Variants in TBCE observed in about 807,000 individuals in gnomAD.
TBCE encodes the protein tubulin folding cofactor E.
In TBCE, 53 loss-of-function variants were observed where a neutral mutation model predicts 77.0. The ratio of observed to expected loss-of-function variants is 0.69; its 90% confidence interval spans 0.55 to 0.87. The LOEUF is 0.87. TBCE is among the 40% of genes least tolerant of loss of function. The pLI is 0.00. For missense variants in TBCE, 624 were observed against 622.4 expected, an observed-to-expected ratio of 1.00 and a Z score of -0.03; for synonymous variants, 235 against 241.3, an observed-to-expected ratio of 0.97 and a Z score of 0.24.
intron 2 of TBCE, among the ~76,000 whole-genome samples, chr1:235,400,878 G>C (rs1486146373): frequency 6.6e-6 from 1 of 151,478 alleles, no homozygotes; most frequent in Admixed American, 6.6e-5. Context: ...ATTTTTAGTA[G>C]AGATGGGGTT....
At chr1:235,445,776 A>G (rs1221787282) in intron 15 of TBCE, among the ~76,000 whole-genome samples, 1 of 152,224 alleles carries the variant, frequency 6.6e-6, no homozygotes, top group Non-Finnish European at 1.5e-5. Flanking sequence ...AAAAGTTAAA[A>G]ATACACATAT....
At chr1:235,411,030 A>C (rs1679754793) in intron 3 of TBCE, among the ~76,000 whole-genome samples, 1 of 152,226 alleles carries the variant, frequency 6.6e-6, no homozygotes, top group Non-Finnish European at 1.5e-5. Flanking sequence ...AAAAAATAAA[A>C]TTATCCCAAG....
intron 8 of TBCE, among the ~76,000 whole-genome samples, chr1:235,434,571 C>G (rs796374962): frequency 1.9e-4 from 27 of 142,100 alleles, no homozygotes; most frequent in African/African-American, 7.0e-4. Context: ...CAGAGTCTCA[C>G]TCTGTCGCCC....
chr1:235,409,513 G>A (rs1006622760), intron 3 of TBCE, among the ~76,000 whole-genome samples: 1 of 151,918 alleles, frequency 6.6e-6, no homozygotes, highest in East Asian at 1.9e-4. Flanking sequence ...AGGCTGTTTT[G>A]TTTTCTGAGA....
intron 1 of TBCE, among the ~76,000 whole-genome samples, chr1:235,371,038 CTTTTTTTTTTT>C (rs71174417): frequency 5.2e-4 from 12 of 23,300 alleles, no homozygotes; most frequent in East Asian, 4.3e-3. Context: ...TCACGCCTGG[CTTTTTTTTTTT>C]TTTTTTTTTT....
intron 14 of TBCE, 142 bp downstream of exon 14, chr1:235,442,024 T>G: frequency 1.5e-6 from 1 of 680,436 alleles, no homozygotes. Context: ...TTTTTTTTTT[T>G]TGAGACAGAG....
At chr1:235,385,786 G>A (rs1677964882) in intron 2 of TBCE, among the ~76,000 whole-genome samples, 2 of 152,100 alleles carry the variant, frequency 1.3e-5, no homozygotes, top group Admixed American at 6.6e-5. Flanking sequence ...GCCAGTCTGT[G>A]TCTTTTAATT....
intron 8 of TBCE, 94 bp downstream of exon 8, chr1:235,434,374 A>C: frequency 8.7e-7 from 1 of 1,147,306 alleles, no homozygotes; most frequent in Non-Finnish European, 1.3e-6. Flanking sequence ...AATTTTTAGA[A>C]GGATTTGCAA....
At chr1:235,404,134 A>G (rs1377266945) in intron 3 of TBCE, among the ~76,000 whole-genome samples, 2 of 152,104 alleles carry the variant, frequency 1.3e-5, no homozygotes, top group African/African-American at 2.4e-5. Flanking sequence ...AAAATTAGCC[A>G]GGCGTGGTGG....
chr1:235,382,927 T>C (rs1341909091), intron 2 of TBCE, among the ~76,000 whole-genome samples: 2 of 150,912 alleles, frequency 1.3e-5, no homozygotes, highest in East Asian at 3.9e-4. Flanking sequence ...TAGGTTTTCT[T>C]CTAGGGTTTT....
rs750280022 is a variant in TBCE, at chr1:235,438,822, A to G, written c.1170A>G (p.Gly390=). The G allele has an allele frequency of 2.9e-5, 47 of 1,614,028 alleles. No homozygotes were observed. The highest frequency in any genetic ancestry group is 2.9e-5 in the Non-Finnish European group (34 of 1,180,038). ...RAELDYRKAF[G]NEWKQAGGHK... is the part of the protein sequence containing the mutation. ...AGCTTGACTACCGAAAAGCTTTTGG[A>G]AATGAGTGGAAACAGGCTGGTGGAC... is the stretch of plus-strand genomic sequence containing the variant. Residue 390 remains glycine, a synonymous_variant, in exon 13 of 17, where the codon GGA becomes GGG. Coordinates refer to ENST00000642610, the MANE Select transcript of TBCE (RefSeq NM_003193.5).
intron 3 of TBCE, among the ~76,000 whole-genome samples, chr1:235,405,372 A>C (rs1469128816): frequency 2.7e-5 from 4 of 148,808 alleles, no homozygotes; most frequent in Non-Finnish European, 4.4e-5. Context: ...ACAGCAGCTC[A>C]TGCCTGTAAT....
rs566770971 is a variant in TBCE, at chr1:235,403,256, G to C, written c.185+1669G>C. Among the ~76,000 whole-genome samples the C allele has an allele frequency of 5.9e-5, 9 of 152,190 alleles. No individual in the cohort carries two copies. The South Asian group carries it at 1.9e-3, about 32-fold the overall frequency. On this transcript the variant is annotated intron_variant, in intron 3 of 16. Coordinates refer to ENST00000642610, the MANE Select transcript of TBCE (RefSeq NM_003193.5). ...TAGTCTCACTCTGTGGCCAAGGCTG[G>C]AGTGCAGTGGCGTGATCTTGGCTCA...
chr1:235,425,173 A>T (rs1214865416), intron 5 of TBCE, among the ~76,000 whole-genome samples: 1 of 152,104 alleles, frequency 6.6e-6, no homozygotes, highest in Admixed American at 6.5e-5. Context: ...GCCATCATAG[A>T]TTTAGCATGT....
In TBCE at chr1:235,380,163, GTGTGTGT is replaced by G. The variant is rs771509761; in HGVS notation, c.100+15_100+21del. 40 of 12,076 alleles carry G rather than the reference GTGTGTGT, an allele frequency of 3.3e-3. No individual in the cohort carries two copies. Among genetic ancestry groups the G allele is most frequent in the Non-Finnish European group, 4.0e-3 (37 of 9,300 alleles). The allele number at this position is 12,076 out of a possible 1,614,324, so 0.7% of individuals were successfully genotyped here. On this transcript the variant is annotated intron_variant, in intron 2 of 16. Coordinates refer to ENST00000642610, the MANE Select transcript of TBCE (RefSeq NM_003193.5). Reference sequence around the variant, plus strand: ...CTCCCGTGGCAGGTAAGCAATTATTGTGTGTGTGTGTGTGTGTGTGTGTGTGTGTGTG... The same window carrying G: ...CTCCCGTGGCAGGTAAGCAATTATTGGTGTGTGTGTGTGTGTGTGTGTGTG...
chr1:235,447,686 A>C (rs1682484803), intron 15 of TBCE, among the ~76,000 whole-genome samples: 1 of 152,228 alleles, frequency 6.6e-6, no homozygotes, highest in South Asian at 2.1e-4. Context: ...AGTCATCATA[A>C]AGGTTTAAAA....
intron 6 of TBCE, chr1:235,430,186 C>G (rs936037358): frequency 6.4e-6 from 1 of 155,406 alleles, no homozygotes; most frequent in East Asian, 1.9e-4. Context: ...TTAATAGTAT[C>G]GTCTTTCAAA....
chr1:235,396,063 C>CT (rs986204282), intron 2 of TBCE, among the ~76,000 whole-genome samples: 23 of 150,758 alleles, frequency 1.5e-4, no homozygotes, highest in Admixed American at 2.7e-4. Flanking sequence ...TTTTCTTTTT[C>CT]TTTTTTTTTC....
Position 235,369,437 on chromosome 1 carries a change from A to G in TBCE, c.-32+1933A>G, listed in dbSNP as rs190674711. Among the ~76,000 whole-genome samples, 69 of 151,896 alleles carry G rather than the reference A, an allele frequency of 4.5e-4. No homozygotes were observed. In the East Asian group the frequency reaches 6.8e-3, roughly 15 times the overall value. Reference sequence around the variant, plus strand: ...CAGAAGAATCGCTTGAACCCGGGAGACAGAGGATGCAGTGAGCCGAGATCG... The same window carrying G: ...CAGAAGAATCGCTTGAACCCGGGAGGCAGAGGATGCAGTGAGCCGAGATCG... On this transcript the variant is annotated intron_variant, in intron 1 of 16. Coordinates refer to ENST00000642610, the MANE Select transcript of TBCE (RefSeq NM_003193.5).
Sources: allele counts gnomAD v4.1 joint callset (sites outside exome capture counted in the v4.1 genomes callset), GRCh38; gene constraint gnomAD v4.1.1; transcripts MANE v1.5; gene names NCBI Gene and HGNC (gene_info 2026-07-23, HGNC 2026-07-21).